The following ESYT2 variants were observed in gnomAD, a reference collection of about 807,000 sequenced individuals.
ESYT2 encodes the protein extended synaptotagmin-2.
Under a neutral mutation model 107.2 loss-of-function variants are expected in ESYT2, and 54 were observed. That is an observed-to-expected ratio of 0.50 (90% CI 0.40 to 0.63). The LOEUF (loss-of-function observed/expected upper bound fraction) is 0.63. Ranked by LOEUF, ESYT2 falls within the 30% of genes least tolerant of loss-of-function variation. ESYT2 has a pLI of 0.00. For synonymous variants in ESYT2, 491 were observed against 434.1 expected, an observed-to-expected ratio of 1.13 and a Z score of -1.63; for missense variants, 1,020 against 1,094.5, an observed-to-expected ratio of 0.93 and a Z score of 0.96.
chr7:158,764,414 T>G (rs1006726249), intron 9 of ESYT2, among the ~76,000 whole-genome samples: 2 of 152,188 alleles, frequency 1.3e-5, no homozygotes, highest in Non-Finnish European at 2.9e-5. Flanking sequence ...CTACTCACAT[T>G]ATGAAAAATA....
At chr7:158,824,423 T>TA (rs1183284323) in intron 1 of ESYT2, among the ~76,000 whole-genome samples, 10 of 152,338 alleles carry the variant, frequency 6.6e-5, no homozygotes, top group Non-Finnish European at 1.2e-4. Context: ...ACACTGAGAA[T>TA]AAAAAAATAT....
At chr7:158,796,730 C>T (rs1281025890) in intron 3 of ESYT2, among the ~76,000 whole-genome samples, 2 of 152,094 alleles carry the variant, frequency 1.3e-5, no homozygotes, top group African/African-American at 4.8e-5. Context: ...AGGGGCAGTG[C>T]GGGCGAGAGG....
chr7:158,791,878 T>G (rs1839303622), intron 4 of ESYT2, among the ~76,000 whole-genome samples: 1 of 152,222 alleles, frequency 6.6e-6, no homozygotes, highest in Non-Finnish European at 1.5e-5. Flanking sequence ...TTGCTTTAGG[T>G]AGTAGTAACA....
intron 6 of ESYT2, among the ~76,000 whole-genome samples, chr7:158,783,700 T>C (rs556183974): frequency 3.2e-4 from 48 of 152,286 alleles, no homozygotes; most frequent in Non-Finnish European, 3.1e-4. Flanking sequence ...AGCAAGATCC[T>C]AATGAAAGGC....
At chr7:158,797,840 C>A (rs561608216) in intron 3 of ESYT2, 102 bp downstream of exon 3, 16 of 1,453,154 alleles carry the variant, frequency 1.1e-5, no homozygotes, top group African/African-American at 1.5e-5. Context: ...GGCAACAGAG[C>A]GAGACTCCGT....
chr7:158,787,937 A>G, intron 6 of ESYT2, 67 bp downstream of exon 6: 1 of 1,308,752 alleles, frequency 7.6e-7, no homozygotes, highest in African/African-American at 1.5e-5. Flanking sequence ...CACTTTATAT[A>G]TTCTTCCACG....
chr7:158,828,986 C>T, intron 1 of ESYT2, 103 bp downstream of exon 1: 1 of 1,490,118 alleles, frequency 6.7e-7, no homozygotes, highest in Non-Finnish European at 8.8e-7. Context: ...CTGGGGTCTG[C>T]ACTCACCCAG....
rs1449785594 is a variant in ESYT2 at position 158,741,716 on chromosome 7, G to A, written c.1975C>T (p.Pro659Ser). 1 of 1,614,094 alleles carries A rather than the reference G, an allele frequency of 6.2e-7. No homozygotes were observed. The highest frequency in any genetic ancestry group is 8.5e-7 in the Non-Finnish European group (1 of 1,180,030). The change falls in exon 18 of 23, where the codon CCT becomes TCT. Residue 659 changes from proline to serine, a missense_variant. Physicochemically the swap from Pro to Ser is moderately conservative, Grantham distance 74 (BLOSUM62 -1). Transcript: ENST00000275418. ...STPVIGGSDKPGMEEKAQPPE... is the reference protein window; with the variant it reads ...STPVIGGSDKSGMEEKAQPPE... Reference sequence around the variant, plus strand: ...GGCTGGGCCTTTTCTTCCATACCAGGCTTATCACTGCCCCCAATGACTGGT... The same window carrying A: ...GGCTGGGCCTTTTCTTCCATACCAGACTTATCACTGCCCCCAATGACTGGT...
chr7:158,753,627 A>G (rs1295528387), intron 13 of ESYT2, among the ~76,000 whole-genome samples: 1 of 130,252 alleles, frequency 7.7e-6, no homozygotes, highest in African/African-American at 2.9e-5. Flanking sequence ...TTTGCTAAGC[A>G]AAAGATTTTA....
intron 8 of ESYT2, among the ~76,000 whole-genome samples, chr7:158,765,604 C>T (rs1307800756): frequency 2.0e-5 from 3 of 151,930 alleles, no homozygotes; most frequent in African/African-American, 7.3e-5. Flanking sequence ...GGCATGGTGG[C>T]GCATGTCCGT....
chr7:158,773,329 C>T lies in ESYT2; in HGVS notation c.803+12G>A, dbSNP rs1280357716. 6.2e-7 allele frequency: 1 copy of T among 1,614,132 alleles called. No individual in the cohort carries two copies. Among genetic ancestry groups the T allele is most frequent in the African/African-American group, 1.3e-5 (1 of 75,042 alleles). On this transcript the variant is annotated intron_variant, in intron 7 of 22. Coordinates refer to ENST00000275418, the MANE Select transcript of ESYT2 (RefSeq NM_001367773.1). ...CGAACGCTAAGCCTCCGGGACCAGACACGAGACTTACTTCAATCCAGGGAC... is the reference window on the plus strand; with the variant it reads ...CGAACGCTAAGCCTCCGGGACCAGATACGAGACTTACTTCAATCCAGGGAC...
intron 1 of ESYT2, among the ~76,000 whole-genome samples, chr7:158,805,303 A>G (rs533978635): frequency 2.6e-5 from 4 of 152,362 alleles, no homozygotes; most frequent in Non-Finnish European, 5.9e-5. Flanking sequence ...GTATTCATGG[A>G]AACTGAAAAA....
At chr7:158,782,645 CAA>C (rs1838948637) in intron 6 of ESYT2, among the ~76,000 whole-genome samples, 1 of 49,490 alleles carries the variant, frequency 2.0e-5, no homozygotes. Context: ...TATGTGAGAA[CAA>C]AGAAGTATTA....
intron 6 of ESYT2, 98 bp from the exon 7 acceptor site, chr7:158,773,494 G>C: frequency 1.7e-6 from 2 of 1,168,630 alleles, no homozygotes; most frequent in South Asian, 1.3e-5. Flanking sequence ...AAATGGGTTA[G>C]TACACAACAC....
At chr7:158,802,140 A>T (rs55750029) in intron 1 of ESYT2, among the ~76,000 whole-genome samples, 17,231 of 152,236 alleles carry the variant, frequency 0.11, 1,472 homozygotes, top group East Asian at 0.43. Flanking sequence ...ATATCCAAAC[A>T]TAAAAAAATT....
intron 1 of ESYT2, among the ~76,000 whole-genome samples, chr7:158,816,171 T>G (rs1840145141): frequency 6.6e-6 from 1 of 152,094 alleles, no homozygotes; most frequent in African/African-American, 2.4e-5. Flanking sequence ...TGAGACTCCA[T>G]CTCTACAAAA....
intron 3 of ESYT2, among the ~76,000 whole-genome samples, chr7:158,795,940 G>A (rs945244492): frequency 1.3e-5 from 2 of 152,228 alleles, no homozygotes; most frequent in Non-Finnish European, 2.9e-5. Flanking sequence ...GGGGTCTGGA[G>A]TAACTGCTTC....
At chr7:158,738,608 C>A (rs937876998) in intron 19 of ESYT2, among the ~76,000 whole-genome samples, 1 of 142,588 alleles carries the variant, frequency 7.0e-6, no homozygotes, top group Middle Eastern at 3.5e-3. Flanking sequence ...GCATGCACCA[C>A]CACACGTGGC....
chr7:158,817,134 A>G (rs567299965), intron 1 of ESYT2, among the ~76,000 whole-genome samples: 1 of 152,318 alleles, frequency 6.6e-6, no homozygotes, highest in East Asian at 1.9e-4. Context: ...TCTCTGCCAG[A>G]GGCATTCCAA....
Sources: allele counts gnomAD v4.1 joint callset (sites outside exome capture counted in the v4.1 genomes callset), GRCh38; gene constraint gnomAD v4.1.1; transcripts MANE v1.5; gene names NCBI Gene and HGNC (gene_info 2026-07-23, HGNC 2026-07-21).